Variants in PROM1 observed in about 807,000 individuals in gnomAD.
PROM1 encodes prominin 1.
PROM1 carries 105 observed loss-of-function variants against 116.9 expected under a neutral mutation model. The observed-to-expected ratio is 0.90, with a 90% CI of 0.77 to 1.06. The LOEUF is 1.06. Ranked by LOEUF, PROM1 falls within the 50% of genes least tolerant of loss-of-function variation. The pLI is 0.00. For missense variants in PROM1, 1,122 were observed against 1,045.2 expected (o/e 1.07, Z -1.01); for synonymous variants, 393 against 387.0 (o/e 1.02, Z -0.18).
At chr4:16,054,666 G>A (rs1368873944) in intron 2 of PROM1, among the ~76,000 whole-genome samples, 1 of 152,140 alleles carries the variant, frequency 6.6e-6, no homozygotes, top group Non-Finnish European at 1.5e-5. Context: ...ATCTTAGCAA[G>A]ATGCCCAATA....
intron 15 of PROM1, among the ~76,000 whole-genome samples, chr4:15,995,044 A>T (rs910893395): frequency 6.6e-6 from 1 of 152,178 alleles, no homozygotes; most frequent in African/African-American, 2.4e-5. Context: ...GTACAGAGAA[A>T]AGCCAATGGA....
At chr4:15,992,215 C>T (rs1209910523) in intron 17 of PROM1, 33 bp downstream of exon 17, 33 of 1,602,382 alleles carry the variant, frequency 2.1e-5, no homozygotes, top group African/African-American at 1.1e-4. Flanking sequence ...TTAATTTCTC[C>T]TAAAGGATCA....
chr4:15,970,442 G>C (rs1714190346), intron 27 of PROM1, among the ~76,000 whole-genome samples: 2 of 151,418 alleles, frequency 1.3e-5, no homozygotes, highest in Admixed American at 6.6e-5. Context: ...CATAGTGCTG[G>C]GATTACAGGC....
At chr4:15,992,472 G>T (rs986991881) in intron 16 of PROM1, 81 bp from the exon 17 acceptor site, 1 of 1,467,538 alleles carries the variant, frequency 6.8e-7, no homozygotes, top group African/African-American at 1.4e-5. Flanking sequence ...AGCAATAAAA[G>T]CTGGATGTGG....
At chr4:15,989,916 C>T in intron 18 of PROM1, 92 bp from the exon 19 acceptor site, 1 of 1,001,724 alleles carries the variant, frequency 1.0e-6, no homozygotes, top group Non-Finnish European at 1.5e-6. Flanking sequence ...GCCAGGAGGG[C>T]TGCCATGACA....
intron 15 of PROM1, among the ~76,000 whole-genome samples, chr4:15,995,864 A>G (rs1243505959): frequency 6.6e-6 from 1 of 152,172 alleles, no homozygotes; most frequent in East Asian, 1.9e-4. Context: ...GTATTCTAGA[A>G]CACTTCTTTA....
At chr4:16,069,456 C>T (rs370172142) in intron 2 of PROM1, among the ~76,000 whole-genome samples, 1 of 152,126 alleles carries the variant, frequency 6.6e-6, no homozygotes, top group Admixed American at 6.5e-5. Context: ...ATACTTTTAA[C>T]GTGCAAAAAT....
chr4:16,051,386 TATAA>T lies in PROM1; in HGVS notation c.221-12389_221-12386del, dbSNP rs376818932. On this transcript the variant is annotated intron_variant, in intron 2 of 27. Transcript: ENST00000447510. ...CACTCTGTGCCTTCGTTTCCTCTTC[TATAA>T]ATGTTATGCCATTATTATCACTAAC... 1.4e-4 allele frequency among the ~76,000 whole-genome samples: 22 copies of T among 152,362 alleles called. 1 individual carries two copies. In the East Asian group the frequency reaches 3.5e-3, roughly 24 times the overall value.
At chr4:15,978,690 C>T (rs946920799) in intron 26 of PROM1, among the ~76,000 whole-genome samples, 2 of 152,124 alleles carry the variant, frequency 1.3e-5, no homozygotes, top group African/African-American at 4.8e-5. Flanking sequence ...GCTGTATGGG[C>T]GTGGGAAGGA....
chr4:16,066,632 C>T (rs1433548672), intron 2 of PROM1, among the ~76,000 whole-genome samples: 1 of 152,156 alleles, frequency 6.6e-6, no homozygotes, highest in Non-Finnish European at 1.5e-5. Context: ...TCTGACCTGG[C>T]ACCACCCTGC....
intron 11 of PROM1, among the ~76,000 whole-genome samples, chr4:16,011,002 C>T (rs1395512803): frequency 1.3e-5 from 2 of 152,030 alleles, no homozygotes; most frequent in Non-Finnish European, 2.9e-5. Context: ...CTCAGTGGGT[C>T]TCTTGGTTAC....
Position 16,018,544 on chromosome 4 carries a change from T to C in PROM1, c.785-4A>G, listed in dbSNP as rs774886498. ...GCCTCTTTGGTCTCCTTGATCGCTA[T>C]GGAAACACAGCCCGCTTCAGAACAC... On this transcript the variant is annotated splice_polypyrimidine_tract_variant and splice_region_variant and intron_variant, in intron 8 of 27. Transcript: ENST00000447510. 6.2e-7 allele frequency: 1 copy of C among 1,600,518 alleles called. No individual in the cohort carries two copies. Among genetic ancestry groups the C allele is most frequent in the Non-Finnish European group, 8.5e-7 (1 of 1,173,742 alleles).
intron 12 of PROM1, among the ~76,000 whole-genome samples, chr4:16,007,044 T>G (rs1247311176): frequency 6.6e-6 from 1 of 152,198 alleles, no homozygotes; most frequent in Non-Finnish European, 1.5e-5. Flanking sequence ...CTTAAGATTT[T>G]TATGTTCTTT....
chr4:16,047,044 G>A (rs1419529145), intron 2 of PROM1, among the ~76,000 whole-genome samples: 3 of 152,238 alleles, frequency 2.0e-5, no homozygotes, highest in Non-Finnish European at 2.9e-5. Context: ...GTGGGACCTC[G>A]CAAGTCTGAG....
chr4:15,985,971 AG>A lies in PROM1; in HGVS notation c.2196del (p.Ser733LeufsTer14), dbSNP rs1381481518. ...AGAAGGCTCACCTCAATAATAACAGAGGAAGTATTGTTTGTGATGAAGTTCT... is the reference window on the plus strand; with the variant it reads ...AGAAGGCTCACCTCAATAATAACAGAGAAGTATTGTTTGTGATGAAGTTCT... ...FAQNFITNNTSSVIIEETKKY... is the reference protein window; with the variant it reads ...FAQNFITNNTXSVIIEETKKY... On this transcript the variant is annotated frameshift_variant, in exon 21 of 28. Transcript: ENST00000447510. LOFTEE classifies it high-confidence loss of function. The A allele has an allele frequency of 8.5e-7, 1 of 1,174,948 alleles. No individual in the cohort carries two copies. Among genetic ancestry groups the A allele is most frequent in the African/African-American group, 2.0e-5 (1 of 48,952 alleles). 72.8% of individuals were successfully genotyped at this position (1,174,948 alleles called of 1,614,324 possible).
chr4:15,998,796 A>G (rs1262121079), intron 14 of PROM1, among the ~76,000 whole-genome samples: 6 of 151,824 alleles, frequency 4.0e-5, no homozygotes, highest in Non-Finnish European at 8.8e-5. Flanking sequence ...GCTCACTGCA[A>G]CCTCCCCCTT....
chr4:15,985,985 G>A lies in PROM1; in HGVS notation c.2183C>T (p.Thr728Ile). 1.5e-6 allele frequency: 2 copies of A among 1,366,594 alleles called. No homozygotes were observed. Among genetic ancestry groups the A allele is most frequent in the Non-Finnish European group, 1.9e-6 (2 of 1,031,660 alleles). 84.7% of individuals were successfully genotyped at this position (1,366,594 alleles called of 1,614,324 possible). The part of the protein sequence containing the change: ...ASLDFAQNFI[T>I]NNTSSVIIEE... ...AATAATAACAGAGGAAGTATTGTTTGTGATGAAGTTCTGAGCAAAATCCAG... is the reference window on the plus strand; with the variant it reads ...AATAATAACAGAGGAAGTATTGTTTATGATGAAGTTCTGAGCAAAATCCAG... Residue 728 changes from threonine (T) to isoleucine (I), a missense_variant, in exon 21 of 28, where the codon ACA becomes ATA. Transcript: ENST00000447510.
intron 14 of PROM1, among the ~76,000 whole-genome samples, chr4:15,999,822 T>C (rs1429467528): frequency 6.6e-6 from 1 of 150,830 alleles, no homozygotes; most frequent in East Asian, 2.0e-4. Context: ...GAAATAGAAA[T>C]ATATTTTAAA....
chr4:15,977,341 C>G (rs1716414595), intron 26 of PROM1, among the ~76,000 whole-genome samples: 1 of 152,162 alleles, frequency 6.6e-6, no homozygotes, highest in Non-Finnish European at 1.5e-5. Flanking sequence ...GTTAGGGCAA[C>G]ATAGGTAATT....
Sources: gnomAD v4.1 joint callset for allele counts (sites outside exome capture counted in the v4.1 genomes callset) on GRCh38, gnomAD v4.1.1 for gene constraint, MANE v1.5 for transcripts, NCBI Gene and HGNC (gene_info 2026-07-23, HGNC 2026-07-21) for gene names.